The following SCD5 variants were observed in gnomAD, a reference collection of about 807,000 sequenced individuals.
SCD5 encodes the protein stearoyl-CoA desaturase 5, also known as acyl-CoA-desaturase 4.
Under a neutral mutation model 30.4 loss-of-function variants are expected in SCD5, and 20 were observed. The ratio of observed to expected loss-of-function variants is 0.66; its 90% confidence interval spans 0.46 to 0.96. The LOEUF (loss-of-function observed/expected upper bound fraction) is 0.96, where lower values mean the gene tolerates loss of function less well. Among genes scored for constraint, SCD5 ranks in the 40% least tolerant of loss-of-function variants. The pLI is 0.00. For missense variants in SCD5, 381 were observed against 443.3 expected, an observed-to-expected ratio of 0.86 and a Z score of 1.26; for synonymous variants, 173 against 176.4, an observed-to-expected ratio of 0.98 and a Z score of 0.16.
chr4:82,652,476 T>G (rs1040090946), intron 3 of SCD5, among the ~76,000 whole-genome samples: 12 of 152,138 alleles, frequency 7.9e-5, no homozygotes, highest in African/African-American at 2.7e-4. Flanking sequence ...AGTATGCACT[T>G]TGGACCAAGA....
intron 3 of SCD5, among the ~76,000 whole-genome samples, chr4:82,665,681 C>G (rs1398895720): frequency 6.6e-6 from 1 of 151,386 alleles, no homozygotes; most frequent in Non-Finnish European, 1.5e-5. Context: ...ACCTGTGTTA[C>G]AAGAAATATA....
chr4:82,705,993 G>C (rs756987815), intron 1 of SCD5, among the ~76,000 whole-genome samples: 13 of 152,238 alleles, frequency 8.5e-5, no homozygotes, highest in Non-Finnish European at 1.6e-4. Flanking sequence ...CTGAATACAT[G>C]TGGTTTTCAT....
In SCD5 at chr4:82,680,878, G is replaced by A. The variant is rs1416062329; in HGVS notation, c.398C>T (p.Ala133Val). The change falls in exon 3 of 5, where the codon GCC (alanine) becomes GTC (valine). Residue 133 changes from alanine (A) to valine (V), a missense_variant. Ala to Val is a moderately conservative substitution (Grantham distance 64). Coordinates refer to ENST00000319540, the MANE Select transcript of SCD5 (RefSeq NM_001037582.3). ...ATCCGTCTCTGAGTACTTGTGGTGG[G>A]CTCGGTGGTCCCTGGACCACTCGAA... is the stretch of plus-strand genomic sequence containing the variant. ...DIFEWSRDHR[A>V]HHKYSETDAD... The A allele has an allele frequency of 6.2e-7, 1 of 1,608,386 alleles. No homozygotes were observed. Among genetic ancestry groups the A allele is most frequent in the Non-Finnish European group, 8.5e-7 (1 of 1,177,956 alleles).
At chr4:82,791,155 T>C (rs1227535239) in intron 1 of SCD5, among the ~76,000 whole-genome samples, 1 of 152,034 alleles carries the variant, frequency 6.6e-6, no homozygotes, top group Non-Finnish European at 1.5e-5. Flanking sequence ...GGAGAATCGC[T>C]TGAACCCGGG....
At chr4:82,785,694 C>T (rs1402526792) in intron 1 of SCD5, among the ~76,000 whole-genome samples, 1 of 151,934 alleles carries the variant, frequency 6.6e-6, no homozygotes, top group Non-Finnish European at 1.5e-5. Context: ...ATTTTTTCTC[C>T]CTCTACAGAG....
chr4:82,644,314 G>T (rs1003391453), intron 3 of SCD5, among the ~76,000 whole-genome samples: 1 of 152,116 alleles, frequency 6.6e-6, no homozygotes, highest in Non-Finnish European at 1.5e-5. Flanking sequence ...TCTTGCTTCT[G>T]CCCCTTCTTC....
intron 1 of SCD5, among the ~76,000 whole-genome samples, chr4:82,739,699 A>G (rs11734154): frequency 0.012 from 1,864 of 152,354 alleles, 20 homozygotes; most frequent in South Asian, 0.026. Flanking sequence ...AGAGGATTAC[A>G]GGGTAATTTA....
intron 1 of SCD5, among the ~76,000 whole-genome samples, chr4:82,739,362 G>A (rs1005669598): frequency 2.6e-5 from 4 of 152,204 alleles, no homozygotes; most frequent in Non-Finnish European, 5.9e-5. Flanking sequence ...ACGAGCGAAT[G>A]GAAACCAGTG....
intron 1 of SCD5, among the ~76,000 whole-genome samples, chr4:82,717,910 C>G (rs1231726204): frequency 6.6e-6 from 1 of 150,524 alleles, no homozygotes; most frequent in Non-Finnish European, 1.5e-5. Flanking sequence ...AGTGAGATTC[C>G]CTCTCAAAAA....
intron 1 of SCD5, among the ~76,000 whole-genome samples, chr4:82,793,242 T>C (rs1019812151): frequency 2.0e-5 from 3 of 152,198 alleles, no homozygotes; most frequent in African/African-American, 7.2e-5. Flanking sequence ...AAACTGAGAC[T>C]CTAAGAGATT....
At chr4:82,664,323 G>A (rs919838396) in intron 3 of SCD5, among the ~76,000 whole-genome samples, 3 of 152,052 alleles carry the variant, frequency 2.0e-5, no homozygotes, top group African/African-American at 7.3e-5. Flanking sequence ...ACATACTGAA[G>A]GTCTGAAAGA....
At position 82,789,524 on chromosome 4, in the gene SCD5, G is replaced by A. The variant is rs562098792; in HGVS notation, c.232+8782C>T. Among the ~76,000 whole-genome samples, 13 of 152,380 alleles carry A rather than the reference G, an allele frequency of 8.5e-5. No individual in the cohort carries two copies. The East Asian group carries it at 2.1e-3, about 25-fold the overall frequency. On this transcript the variant is annotated intron_variant, in intron 1 of 4. Transcript: ENST00000319540. ...CTCTAACAAGCTCCCAGGTGATGCT[G>A]ATGCTGGCGGTCTGAGGACCACACT...
chr4:82,692,784 G>A (rs1312661117), intron 2 of SCD5, among the ~76,000 whole-genome samples: 1 of 152,202 alleles, frequency 6.6e-6, no homozygotes, highest in Non-Finnish European at 1.5e-5. Context: ...CACACCAGAA[G>A]GCAAACTCCA....
chr4:82,640,132 T>C (rs1240088216), intron 3 of SCD5, among the ~76,000 whole-genome samples: 1 of 152,112 alleles, frequency 6.6e-6, no homozygotes, highest in Non-Finnish European at 1.5e-5. Context: ...GAATCGGCCT[T>C]CTCTGGTCTG....
At chr4:82,778,970 G>T (rs1337032469) in intron 1 of SCD5, among the ~76,000 whole-genome samples, 1 of 151,678 alleles carries the variant, frequency 6.6e-6, no homozygotes, top group Non-Finnish European at 1.5e-5. Context: ...AGGTTCAAGC[G>T]ATTCTCCTGC....
chr4:82,703,634 G>A (rs574575281), intron 2 of SCD5, among the ~76,000 whole-genome samples: 3 of 152,170 alleles, frequency 2.0e-5, no homozygotes, highest in African/African-American at 7.2e-5. Context: ...GTGGTGTTTT[G>A]TTAAGAAAAC....
At chr4:82,693,694 T>C (rs1238204833) in intron 2 of SCD5, among the ~76,000 whole-genome samples, 2 of 152,160 alleles carry the variant, frequency 1.3e-5, no homozygotes, top group Admixed American at 6.5e-5. Flanking sequence ...TGGCTGGGCA[T>C]TGTCCAGAGC....
intron 1 of SCD5, among the ~76,000 whole-genome samples, chr4:82,734,607 A>C (rs1033921844): frequency 1.3e-5 from 2 of 152,184 alleles, no homozygotes; most frequent in African/African-American, 4.8e-5. Context: ...CTTTTAACCA[A>C]TTTTGTAATG....
At chr4:82,714,553 T>G (rs1332811014) in intron 1 of SCD5, among the ~76,000 whole-genome samples, 1 of 152,042 alleles carries the variant, frequency 6.6e-6, no homozygotes, top group East Asian at 1.9e-4. Context: ...GAAGGCTGTG[T>G]GTGTTCAAGC....
Sources: allele counts gnomAD v4.1 joint callset (sites outside exome capture counted in the v4.1 genomes callset), GRCh38; gene constraint gnomAD v4.1.1; transcripts MANE v1.5; gene names NCBI Gene and HGNC (gene_info 2026-07-23, HGNC 2026-07-21).